Variants in MSH3 observed in about 807,000 individuals in gnomAD.
MSH3 encodes mutS homolog 3, also known as DNA mismatch repair protein Msh3.
Under a neutral mutation model 123.3 loss-of-function variants are expected in MSH3, and 106 were observed. That is an observed-to-expected ratio of 0.86 (90% CI 0.73 to 1.01). The LOEUF is 1.01. Among genes scored for constraint, MSH3 ranks in the 50% least tolerant of loss-of-function variants. The pLI is 0.00. For missense variants in MSH3, 1,459 were observed against 1,347.6 expected (o/e 1.08, Z -1.29); for synonymous variants, 515 against 481.4 (o/e 1.07, Z -0.91).
chr5:80,852,484 A>G (rs1745846758), intron 20 of MSH3, among the ~76,000 whole-genome samples: 1 of 152,220 alleles, frequency 6.6e-6, no homozygotes, highest in Non-Finnish European at 1.5e-5. Flanking sequence ...ATAAAGGCAA[A>G]CAGTGGTAGA....
intron 8 of MSH3, among the ~76,000 whole-genome samples, chr5:80,700,106 A>G (rs980582905): frequency 6.6e-6 from 1 of 152,176 alleles, no homozygotes; most frequent in Non-Finnish European, 1.5e-5. Flanking sequence ...TGGGCCTGGC[A>G]GGGTGGCTCA....
At chr5:80,727,425 A>T (rs1233118383) in intron 9 of MSH3, among the ~76,000 whole-genome samples, 1 of 152,198 alleles carries the variant, frequency 6.6e-6, no homozygotes, top group African/African-American at 2.4e-5. Flanking sequence ...TTTACTTCTA[A>T]AAGTAATTAA....
intron 20 of MSH3, among the ~76,000 whole-genome samples, chr5:80,845,277 G>A (rs770519387): frequency 1.9e-4 from 29 of 152,276 alleles, no homozygotes; most frequent in Non-Finnish European, 3.7e-4. Flanking sequence ...TCCACTGTTA[G>A]TCTGATGGGC....
At chr5:80,820,769 T>A (rs1374271015) in intron 20 of MSH3, among the ~76,000 whole-genome samples, 1 of 152,234 alleles carries the variant, frequency 6.6e-6, no homozygotes, top group African/African-American at 2.4e-5. Flanking sequence ...AGTTTAGGTA[T>A]GTGGCAGGAT....
At position 80,875,815 on chromosome 5, in the gene MSH3, A is replaced by G. The variant is rs769908769; in HGVS notation, c.3367A>G (p.Thr1123Ala). 1 of 1,613,914 alleles carries G rather than the reference A, an allele frequency of 6.2e-7. No homozygotes were observed. The highest frequency in any genetic ancestry group is 1.1e-5 in the South Asian group (1 of 91,080). The change falls in exon 24 of 24, where the codon ACA becomes GCA. Residue 1123 changes from threonine to alanine, a missense_variant. Coordinates refer to ENST00000265081, the MANE Select transcript of MSH3 (RefSeq NM_002439.5). Reference sequence around the variant, plus strand: ...TAATGCACAAGACCTGCAGAAGTGGACAGAGGAGTTCAACATGGAAGAAAC... The same window carrying G: ...TAATGCACAAGACCTGCAGAAGTGGGCAGAGGAGTTCAACATGGAAGAAAC... ...MHNAQDLQKW[T>A]EEFNMEETQT... is the part of the protein sequence containing the mutation.
intron 8 of MSH3, among the ~76,000 whole-genome samples, chr5:80,709,596 C>T (rs1750805071): frequency 6.6e-6 from 1 of 152,062 alleles, no homozygotes; most frequent in African/African-American, 2.4e-5. Flanking sequence ...CGCGCCACTG[C>T]ACTCCAGCCT....
At chr5:80,842,207 A>T (rs938429921) in intron 20 of MSH3, among the ~76,000 whole-genome samples, 1 of 152,128 alleles carries the variant, frequency 6.6e-6, no homozygotes, top group Non-Finnish European at 1.5e-5. Context: ...CAAAGATCAG[A>T]TGGTTGTAGA....
chr5:80,732,350 A>G (rs1743427493), intron 10 of MSH3, among the ~76,000 whole-genome samples: 1 of 152,178 alleles, frequency 6.6e-6, no homozygotes, highest in Admixed American at 6.5e-5. Context: ...AAATCCACCC[A>G]AGATAAACTG....
chr5:80,707,568 A>G (rs917449142), intron 8 of MSH3, among the ~76,000 whole-genome samples: 11 of 148,716 alleles, frequency 7.4e-5, no homozygotes, highest in Non-Finnish European at 7.5e-5. Flanking sequence ...AAAAAAAAAA[A>G]CAAAAAAACC....
chr5:80,725,616 T>G (rs1561456773), intron 9 of MSH3, 51 bp downstream of exon 9: 2 of 1,257,492 alleles, frequency 1.6e-6, no homozygotes, highest in South Asian at 2.4e-5. Context: ...GAAATTTGGA[T>G]AAAGGTATTA....
In MSH3 at chr5:80,778,856, A is replaced by T. The variant is rs753082215; in HGVS notation, c.2435+20A>T. 1.5e-6 allele frequency: 2 copies of T among 1,334,084 alleles called. No individual in the cohort carries two copies. Among genetic ancestry groups the T allele is most frequent in the Non-Finnish European group, 2.2e-6 (2 of 924,294 alleles). 82.6% of individuals were successfully genotyped at this position (1,334,084 alleles called of 1,614,324 possible). A position where few individuals can be genotyped will look rare whatever the true frequency, so the allele number is the denominator to read the frequency against. On this transcript the variant is annotated intron_variant, in intron 17 of 23. Coordinates refer to ENST00000265081, the MANE Select transcript of MSH3 (RefSeq NM_002439.5). ...TCTAGAGTGAGTTTACAATGAAAAA[A>T]TATAATCTGACTTTTTGCTATCAGA... is the stretch of plus-strand genomic sequence containing the variant.
intron 15 of MSH3, among the ~76,000 whole-genome samples, chr5:80,773,563 A>G (rs1744248418): frequency 6.6e-6 from 1 of 152,164 alleles, no homozygotes; most frequent in Non-Finnish European, 1.5e-5. Context: ...AATGGGAAAA[A>G]TAAACTCAAG....
intron 16 of MSH3, among the ~76,000 whole-genome samples, chr5:80,778,272 G>A (rs1296720980): frequency 6.6e-6 from 1 of 152,062 alleles, no homozygotes; most frequent in Non-Finnish European, 1.5e-5. Flanking sequence ...TCTTTGTAAT[G>A]CTTTTTTATT....
intron 3 of MSH3, among the ~76,000 whole-genome samples, chr5:80,667,636 C>A (rs1453968251): frequency 6.6e-6 from 1 of 152,202 alleles, no homozygotes; most frequent in African/African-American, 2.4e-5. Flanking sequence ...CACTGCCAGG[C>A]ATGCTGGCTT....
At chr5:80,861,661 GTGTGCCCCCT>G (rs1746015250) in intron 21 of MSH3, among the ~76,000 whole-genome samples, 1 of 152,180 alleles carries the variant, frequency 6.6e-6, no homozygotes, top group South Asian at 2.1e-4. Context: ...ACTCACAAAA[GTGTGCCCCCT>G]TCCCCCATGA....
chr5:80,810,737 T>A (rs891734129), intron 19 of MSH3, among the ~76,000 whole-genome samples: 1 of 152,166 alleles, frequency 6.6e-6, no homozygotes, highest in African/African-American at 2.4e-5. Flanking sequence ...CATGGTATAT[T>A]CCTTCATTTA....
chr5:80,761,558 C>G lies in MSH3; in HGVS notation c.1776C>G (p.Ala592=). 1 of 1,613,920 alleles carries G rather than the reference C, an allele frequency of 6.2e-7. No homozygotes were observed. Among genetic ancestry groups the G allele is most frequent in the Non-Finnish European group, 8.5e-7 (1 of 1,179,972 alleles). ...QPLLKLREIN[A]RLDAVSEVLH... Reference sequence around the variant, plus strand: ...TCTTTTCTCACAGGGAAATAAATGCCCGGCTTGATGCTGTATCGGAAGTTC... The same window carrying G: ...TCTTTTCTCACAGGGAAATAAATGCGCGGCTTGATGCTGTATCGGAAGTTC... Residue 592 remains alanine, a synonymous_variant, in exon 13 of 24, where the codon GCC becomes GCG. Coordinates refer to ENST00000265081, the MANE Select transcript of MSH3 (RefSeq NM_002439.5).
At chr5:80,794,371 T>C (rs1046199573) in intron 19 of MSH3, among the ~76,000 whole-genome samples, 1 of 152,034 alleles carries the variant, frequency 6.6e-6, no homozygotes, top group Admixed American at 6.6e-5. Flanking sequence ...AACTTCTAAG[T>C]AGGGAGGGTG....
chr5:80,776,932 T>A (rs1679091), intron 16 of MSH3, among the ~76,000 whole-genome samples: 22,169 of 132,812 alleles, frequency 0.17, 1,753 homozygotes, highest in South Asian at 0.28. Flanking sequence ...ATATATATTT[T>A]TTTTTTTTCT....
Sources: allele counts gnomAD v4.1 joint callset (sites outside exome capture counted in the v4.1 genomes callset), GRCh38; gene constraint gnomAD v4.1.1; transcripts MANE v1.5; gene names NCBI Gene and HGNC (gene_info 2026-07-23, HGNC 2026-07-21).